PSMC2: variants seen among roughly 807,000 people sequenced by gnomAD.
PSMC2 encodes the protein proteasome 26S subunit, ATPase 2, also known as 26S proteasome regulatory subunit 7.
A neutral mutation model predicts 53.3 loss-of-function variants in PSMC2; 7 were observed. The ratio of observed to expected loss-of-function variants is 0.13; its 90% CI spans 0.07 to 0.25. The LOEUF is 0.25. PSMC2 is among the 10% of genes least tolerant of loss of function. The pLI is 1.00. For missense variants in PSMC2, 241 were observed against 544.0 expected, an observed-to-expected ratio of 0.44 and a Z score of 5.54; for synonymous variants, 169 against 183.9, an observed-to-expected ratio of 0.92 and a Z score of 0.66.
At chr7:103,362,117 T>C (rs1257082449) in intron 5 of PSMC2, 29 bp downstream of exon 5, 2 of 1,610,596 alleles carry the variant, frequency 1.2e-6, no homozygotes, top group Non-Finnish European at 1.7e-6. Context: ...ATAAATACTT[T>C]TCTTTCACTA....
rs139793204 is a variant in PSMC2, at chr7:103,367,873, G to A, written c.1145-24G>A. 8.1e-5 allele frequency: 131 copies of A among 1,611,550 alleles called. No homozygotes were observed. The East Asian group carries it at 2.1e-3, about 25-fold the overall frequency. On this transcript the variant is annotated intron_variant, in intron 11 of 11. Coordinates refer to ENST00000292644, the MANE Select transcript of PSMC2 (RefSeq NM_002803.4). This position sits in a 1 kb window ranked among gnomAD's most constrained non-coding sequence, Gnocchi z 6.1. ...TGCTCAGGCTGCTTTAATTAAGCCC[G>A]TTTATTTTCTTTTTGTTTGAAAGGT...
chr7:103,362,270 C>T (rs1031650027), intron 5 of PSMC2, 182 bp downstream of exon 5: 7 of 1,412,342 alleles, frequency 5.0e-6, no homozygotes, highest in Middle Eastern at 2.6e-4. Context: ...CCATCGGCTT[C>T]GCTGACTCCC....
intron 1 of PSMC2, among the ~76,000 whole-genome samples, chr7:103,349,592 G>A (rs1271126470): frequency 6.6e-6 from 1 of 151,970 alleles, no homozygotes; most frequent in African/African-American, 2.4e-5. Context: ...GGGATTACAG[G>A]CACCCCCCCA....
chr7:103,365,961 T>C, intron 8 of PSMC2, 115 bp from the exon 9 acceptor site: 1 of 806,026 alleles, frequency 1.2e-6, no homozygotes. Context: ...GTTTAGGTAA[T>C]AATGGGTGAG....
chr7:103,351,895 G>GT (rs905366728), intron 1 of PSMC2, among the ~76,000 whole-genome samples: 7 of 151,126 alleles, frequency 4.6e-5, no homozygotes, highest in Non-Finnish European at 8.9e-5. Flanking sequence ...TCCTCTGAGG[G>GT]TTTTTTTTTA....
At chr7:103,348,816 A>G (rs2116110204) in intron 1 of PSMC2, 1 of 720,784 alleles carries the variant, frequency 1.4e-6, no homozygotes, top group African/African-American at 1.7e-5. Context: ...ACCCAATGGA[A>G]AACCATGATA....
chr7:103,356,556 A>G (rs1432792156), intron 4 of PSMC2, among the ~76,000 whole-genome samples: 4 of 152,178 alleles, frequency 2.6e-5, no homozygotes, highest in Non-Finnish European at 4.4e-5. Context: ...TTTAATTTGT[A>G]CTGTGTTGAT....
intron 1 of PSMC2, chr7:103,348,558 A>G: frequency 1.3e-6 from 1 of 792,692 alleles, no homozygotes. Flanking sequence ...TTGCTGTTAT[A>G]AAACAATGAG....
intron 1 of PSMC2, chr7:103,348,739 G>A (rs1044262841): frequency 3.5e-6 from 5 of 1,430,586 alleles, no homozygotes; most frequent in Admixed American, 1.7e-5. Flanking sequence ...TTGTCAGTAT[G>A]GGAAGGATAT....
intron 4 of PSMC2, among the ~76,000 whole-genome samples, chr7:103,361,510 C>CA (rs759044767): frequency 0.053 from 2,662 of 50,240 alleles, 126 homozygotes; most frequent in African/African-American, 0.1. Flanking sequence ...AACTCCATCT[C>CA]AAAAAAAAAA....
At chr7:103,360,166 G>T (rs994399709) in intron 4 of PSMC2, among the ~76,000 whole-genome samples, 2 of 151,204 alleles carry the variant, frequency 1.3e-5, no homozygotes, top group African/African-American at 4.9e-5. Context: ...TTCCCCTTAT[G>T]TATGAGCCAT....
chr7:103,362,216 A>G (rs900660406), intron 5 of PSMC2, 128 bp downstream of exon 5: 2 of 1,481,246 alleles, frequency 1.4e-6, no homozygotes, highest in African/African-American at 1.4e-5. Flanking sequence ...CTAGTAATGT[A>G]CTATAGTTGA....
chr7:103,350,470 C>T (rs951892883), intron 1 of PSMC2, among the ~76,000 whole-genome samples: 1 of 152,034 alleles, frequency 6.6e-6, no homozygotes, highest in Non-Finnish European at 1.5e-5. Context: ...TACTATTCTC[C>T]CACAGTACAT....
In PSMC2 at chr7:103,368,099, C is replaced by G. The variant is rs373655880; in HGVS notation, c.*45C>G. 1.2e-4 allele frequency: 183 copies of G among 1,503,776 alleles called. No homozygotes were observed. Among genetic ancestry groups the G allele is most frequent in the Non-Finnish European group, 1.6e-4 (175 of 1,112,230 alleles). The allele number at this position is 1,503,776 out of a possible 1,614,324, so 93.2% of individuals were successfully genotyped here. A position where few individuals can be genotyped will look rare whatever the true frequency, so the allele number is the denominator to read the frequency against. ...GAAAACTTTAAATTGGAATCCTAAC[C>G]TTATATAGACTTGTTAATAACCAAT... On this transcript the variant is annotated 3_prime_UTR_variant, in exon 12 of 12. Coordinates refer to ENST00000292644, the MANE Select transcript of PSMC2 (RefSeq NM_002803.4).
rs374841935 is a variant in PSMC2, at chr7:103,363,335, C to T, written c.496-9C>T. 1.7e-5 allele frequency: 28 copies of T among 1,602,232 alleles called. No individual in the cohort carries two copies. In the East Asian group the frequency reaches 3.3e-4, roughly 19 times the overall value. ...GACTGTATGTTGTACATTTCTGTCC[C>T]TCTCTTAGGTGGAAGAGAAACCTGA... On this transcript the variant is annotated splice_polypyrimidine_tract_variant and intron_variant, in intron 6 of 11. Transcript: ENST00000292644.
At chr7:103,362,365 G>A in intron 5 of PSMC2, 2 of 1,346,812 alleles carry the variant, frequency 1.5e-6, no homozygotes, top group South Asian at 1.7e-5. Context: ...GGTATAGGTT[G>A]GGGGAGTACT....
chr7:103,362,720 T>C lies in PSMC2; in HGVS notation c.457T>C (p.Leu153=), dbSNP rs774365565. The C allele has an allele frequency of 8.7e-6, 14 of 1,606,642 alleles. No homozygotes were observed. Among genetic ancestry groups the C allele is most frequent in the Non-Finnish European group, 1.1e-5 (13 of 1,173,526 alleles). Residue 153 remains leucine (L), a synonymous_variant, in exon 6 of 12, where the codon TTG becomes CTG. Coordinates refer to ENST00000292644, the MANE Select transcript of PSMC2 (RefSeq NM_002803.4). ...AAATAAATATCAAATTCACATTCCA[T>C]TGCCTCCTAAGATTGACCCAACAGT... The part of the protein sequence containing the change: ...DRNKYQIHIP[L]PPKIDPTVTM...
Position 103,367,850 on chromosome 7 carries a change from C to T in PSMC2, c.1144+41C>T, listed in dbSNP as rs1820796340. On this transcript the variant is annotated intron_variant, in intron 11 of 11. Coordinates refer to ENST00000292644, the MANE Select transcript of PSMC2 (RefSeq NM_002803.4). The surrounding 1 kb of genome is among the most constrained non-coding windows in gnomAD (Gnocchi z 6.1). Reference sequence around the variant, plus strand: ...TTGCTTATATTTGCTGGTCTGTCTGCTCAGGCTGCTTTAATTAAGCCCGTT... The same window carrying T: ...TTGCTTATATTTGCTGGTCTGTCTGTTCAGGCTGCTTTAATTAAGCCCGTT... 3 of 1,612,522 alleles carry T rather than the reference C, an allele frequency of 1.9e-6. No individual in the cohort carries two copies.
chr7:103,363,318 G>A, intron 6 of PSMC2, 26 bp from the exon 7 acceptor site: 2 of 1,561,318 alleles, frequency 1.3e-6, no homozygotes, highest in Non-Finnish European at 1.8e-6. Context: ...GTGACTGTAT[G>A]TTGTACATTT....
Sources: allele counts gnomAD v4.1 joint callset (sites outside exome capture counted in the v4.1 genomes callset), GRCh38; gene constraint gnomAD v4.1.1; non-coding constraint Gnocchi (gnomAD v3.1); transcripts MANE v1.5; gene names NCBI Gene and HGNC (gene_info 2026-07-23, HGNC 2026-07-21).